The following SGCZ variants were observed in gnomAD, a reference collection of about 807,000 sequenced individuals.
SGCZ encodes sarcoglycan zeta.
SGCZ carries 40 observed loss-of-function variants against 41.3 expected under a neutral mutation model. The ratio of observed to expected loss-of-function variants is 0.97; its 90% CI spans 0.75 to 1.26. The LOEUF (loss-of-function observed/expected upper bound fraction) is 1.26, where lower values mean the gene tolerates loss of function less well. Among genes scored for constraint, SGCZ ranks in the 50% most tolerant of loss-of-function variants. The pLI is 0.00. For missense variants in SGCZ, 552 were observed against 369.8 expected, an observed-to-expected ratio of 1.49 and a Z score of -4.04; for synonymous variants, 206 against 137.5, an observed-to-expected ratio of 1.50 and a Z score of -3.49.
chr8:14,670,783 G>C (rs13273014), intron 1 of SGCZ, among the ~76,000 whole-genome samples: 43,516 of 152,084 alleles, frequency 0.29, 7,041 homozygotes, highest in African/African-American at 0.44. Context: ...TTTTAAAGAT[G>C]ATGAAACTGG....
chr8:14,958,025 C>A (rs2130846700), intron 1 of SGCZ, among the ~76,000 whole-genome samples: 1 of 152,116 alleles, frequency 6.6e-6, no homozygotes, highest in African/African-American at 2.4e-5. Flanking sequence ...ACTAAAAAGT[C>A]ACAAAAGTGA....
intron 2 of SGCZ, among the ~76,000 whole-genome samples, chr8:14,525,398 T>C (rs191605183): frequency 6.6e-6 from 1 of 152,164 alleles, no homozygotes; most frequent in African/African-American, 2.4e-5. Flanking sequence ...TTGGAAGCAA[T>C]TGAATATTTC....
chr8:14,494,551 C>G (rs185519027), intron 2 of SGCZ, among the ~76,000 whole-genome samples: 2 of 152,100 alleles, frequency 1.3e-5, no homozygotes, highest in African/African-American at 4.8e-5. Context: ...CACACACACA[C>G]GCTCCTTACA....
At chr8:15,117,350 C>T (rs994368557) in intron 1 of SGCZ, among the ~76,000 whole-genome samples, 1 of 151,458 alleles carries the variant, frequency 6.6e-6, no homozygotes, top group African/African-American at 2.4e-5. Flanking sequence ...CAGAGCGAGA[C>T]TCCATCTCAA....
chr8:15,206,992 G>A (rs371068000), intron 1 of SGCZ, among the ~76,000 whole-genome samples: 1 of 152,112 alleles, frequency 6.6e-6, no homozygotes, highest in African/African-American at 2.4e-5. Context: ...AAAGGAAAGA[G>A]TAAATGCAAG....
chr8:14,145,125 G>T (rs938607825), intron 5 of SGCZ, among the ~76,000 whole-genome samples: 1 of 152,148 alleles, frequency 6.6e-6, no homozygotes, highest in Non-Finnish European at 1.5e-5. Flanking sequence ...AGAGGCCTGG[G>T]ACAAGACCCA....
chr8:14,161,421 T>G (rs1262957152), intron 5 of SGCZ: 1 of 152,320 alleles, frequency 6.6e-6, no homozygotes, highest in Non-Finnish European at 1.5e-5. Context: ...CTCTAGGGTG[T>G]GTAAGTGGTA....
At chr8:14,537,086 A>C (rs948284529) in intron 2 of SGCZ, among the ~76,000 whole-genome samples, 3 of 151,956 alleles carry the variant, frequency 2.0e-5, no homozygotes, top group African/African-American at 4.8e-5. Context: ...TGACTCTAAC[A>C]GCTCTTCTGA....
chr8:14,878,561 GA>G (rs1187494552), intron 1 of SGCZ, among the ~76,000 whole-genome samples: 1 of 152,084 alleles, frequency 6.6e-6, no homozygotes, highest in East Asian at 1.9e-4. Context: ...TATTGAAGTT[GA>G]ATGTCGATAT....
At chr8:15,210,404 G>T (rs1440706012) in intron 1 of SGCZ, among the ~76,000 whole-genome samples, 1 of 152,014 alleles carries the variant, frequency 6.6e-6, no homozygotes, top group Non-Finnish European at 1.5e-5. Flanking sequence ...TTCAGTTTCC[G>T]TAATACTGTT....
chr8:15,018,652 T>C (rs549150723), intron 1 of SGCZ, among the ~76,000 whole-genome samples: 113 of 152,114 alleles, frequency 7.4e-4, no homozygotes, highest in Non-Finnish European at 1.1e-3. Context: ...AGAAGGTAAG[T>C]GATGAAGGCA....
intron 4 of SGCZ, among the ~76,000 whole-genome samples, chr8:14,222,691 G>A (rs756872174): frequency 2.0e-5 from 3 of 147,794 alleles, no homozygotes; most frequent in Non-Finnish European, 4.4e-5. Flanking sequence ...CTGTTTTATT[G>A]TATAAAGATG....
chr8:15,118,659 C>G (rs958014017), intron 1 of SGCZ, among the ~76,000 whole-genome samples: 4 of 152,056 alleles, frequency 2.6e-5, no homozygotes, highest in Non-Finnish European at 5.9e-5. Context: ...AAGGTTGAGA[C>G]CCTCTGATCA....
At chr8:14,614,203 C>T (rs753087792) in intron 1 of SGCZ, among the ~76,000 whole-genome samples, 11 of 152,090 alleles carry the variant, frequency 7.2e-5, no homozygotes, top group Non-Finnish European at 1.5e-4. Context: ...AAACTTGAAC[C>T]TTTAGAACCG....
chr8:15,116,704 C>T (rs998249246), intron 1 of SGCZ, among the ~76,000 whole-genome samples: 2 of 152,176 alleles, frequency 1.3e-5, no homozygotes, highest in Middle Eastern at 3.2e-3. Context: ...ACACCAAAGA[C>T]AGTGAAAACA....
intron 1 of SGCZ, among the ~76,000 whole-genome samples, chr8:14,638,811 T>G (rs973591495): frequency 6.6e-6 from 1 of 151,822 alleles, no homozygotes; most frequent in African/African-American, 2.4e-5. Flanking sequence ...CTACATTTTA[T>G]GAGGATAAGG....
intron 2 of SGCZ, among the ~76,000 whole-genome samples, chr8:14,336,242 G>A (rs552060556): frequency 6.6e-6 from 1 of 152,256 alleles, no homozygotes; most frequent in South Asian, 2.1e-4. Flanking sequence ...CAAAGGACAT[G>A]ATATCATTCT....
intron 3 of SGCZ, among the ~76,000 whole-genome samples, chr8:14,317,620 T>C (rs1386716286): frequency 6.6e-6 from 1 of 151,786 alleles, no homozygotes. Flanking sequence ...AAATATGCAA[T>C]GCTTATAAGG....
chr8:15,142,078 G>A (rs1041673124), intron 1 of SGCZ, among the ~76,000 whole-genome samples: 25 of 152,190 alleles, frequency 1.6e-4, no homozygotes, highest in African/African-American at 5.8e-4. Context: ...AGATGGGGAA[G>A]AGAGGACCTT....
Sources: allele counts gnomAD v4.1 joint callset (sites outside exome capture counted in the v4.1 genomes callset), GRCh38; gene constraint gnomAD v4.1.1; transcripts MANE v1.5; gene names NCBI Gene and HGNC (gene_info 2026-07-23, HGNC 2026-07-21).